NPAT: variants seen among roughly 807,000 people sequenced by gnomAD.
The protein encoded by NPAT is protein NPAT.
A neutral mutation model predicts 130.7 loss-of-function variants in NPAT; 52 were observed. The ratio of observed to expected loss-of-function variants is 0.40; its 90% CI spans 0.32 to 0.50. The LOEUF is 0.50. Ranked by LOEUF, NPAT falls within the 20% of genes least tolerant of loss-of-function variation. The probability of loss-of-function intolerance (pLI) is 0.68; values close to 1 mark genes in which losing one functional copy is unlikely to be tolerated. For synonymous variants in NPAT, 580 were observed against 584.8 expected (o/e 0.99, Z 0.12); for missense variants, 1,687 against 1,662.6 (o/e 1.01, Z -0.26).
At position 108,177,704 on chromosome 11, in the gene NPAT, A is replaced by G. The variant is rs539926158; in HGVS notation, c.907-614T>C. Among the ~76,000 whole-genome samples the G allele has an allele frequency of 1.3e-4, 18 of 138,092 alleles. No homozygotes were observed. The South Asian group carries it at 4.1e-3, about 32-fold the overall frequency. The allele number at this position is 138,092 out of a possible 152,430, so 90.6% of individuals were successfully genotyped here. A position where few individuals can be genotyped will look rare whatever the true frequency, so the allele number is the denominator to read the frequency against. ...TACGTATATAAATGGAAATAAAATC[A>G]TACTATAAAGTTCCCTTTTTTTTTG... On this transcript the variant is annotated intron_variant, in intron 10 of 17. Coordinates refer to ENST00000278612, the MANE Select transcript of NPAT (RefSeq NM_002519.3).
intron 1 of NPAT, among the ~76,000 whole-genome samples, chr11:108,214,068 C>T (rs959146786): frequency 6.6e-6 from 1 of 152,064 alleles, no homozygotes; most frequent in Non-Finnish European, 1.5e-5. Flanking sequence ...TAATTACTTA[C>T]TTATTGGTAC....
In NPAT at chr11:108,173,467, T is replaced by C. The variant is rs758240289; in HGVS notation, c.1517A>G (p.Asp506Gly). The part of the protein sequence containing the change: ...SESQLQPDQP[D>G]IPITSFVSLG... ...TGAAACAAATGAAGTTATTGGTATA[T>C]CAGGCTGATCAGGCTGTAACTGAGA... Residue 506 changes from aspartate (D) to glycine (G), a missense_variant, in exon 13 of 18, where the codon GAT (aspartate) becomes GGT (glycine). Physicochemically the swap from Asp to Gly is moderately conservative, Grantham distance 94 (BLOSUM62 -1). This residue lies in a region of NPAT where 1,379 missense variants were observed against 1,346.6 expected (regional missense o/e 1.02). Transcript: ENST00000278612. 2.6e-5 allele frequency: 42 copies of C among 1,614,066 alleles called. No homozygotes were observed. Among genetic ancestry groups the C allele is most frequent in the Non-Finnish European group, 3.1e-5 (37 of 1,180,026 alleles).
chr11:108,194,713 G>A (rs1422329543), intron 2 of NPAT, among the ~76,000 whole-genome samples: 1 of 152,078 alleles, frequency 6.6e-6, no homozygotes, highest in African/African-American at 2.4e-5. Context: ...TACAGTGGCT[G>A]CTCACAGCTT....
At chr11:108,166,692 C>T (rs1270249952) in intron 15 of NPAT, among the ~76,000 whole-genome samples, 2 of 152,158 alleles carry the variant, frequency 1.3e-5, no homozygotes, top group African/African-American at 4.8e-5. Context: ...ATTACTGTGG[C>T]TCTGCAATAT....
chr11:108,163,818 T>C (rs1309486115), intron 15 of NPAT, among the ~76,000 whole-genome samples: 3 of 151,742 alleles, frequency 2.0e-5, no homozygotes, highest in African/African-American at 7.3e-5. Flanking sequence ...CTGGTGACTC[T>C]AGTGTAGACA....
intron 5 of NPAT, among the ~76,000 whole-genome samples, chr11:108,189,764 G>A (rs1291631377): frequency 1.3e-5 from 2 of 151,110 alleles, no homozygotes; most frequent in African/African-American, 2.4e-5. Context: ...CAGCTACTCG[G>A]GAGGCTGAGG....
At chr11:108,166,217 C>T (rs973131742) in intron 15 of NPAT, among the ~76,000 whole-genome samples, 1 of 151,952 alleles carries the variant, frequency 6.6e-6, no homozygotes, top group Non-Finnish European at 1.5e-5. Context: ...GATAGTGAAA[C>T]CCTGTCTCTA....
intron 1 of NPAT, among the ~76,000 whole-genome samples, chr11:108,215,731 A>T (rs540590276): frequency 1.3e-5 from 2 of 152,322 alleles, no homozygotes; most frequent in East Asian, 3.9e-4. Context: ...GTGATTTGGG[A>T]ATCAACTCAC....
chr11:108,200,797 T>C (rs1446138583), intron 1 of NPAT, among the ~76,000 whole-genome samples: 1 of 152,154 alleles, frequency 6.6e-6, no homozygotes, highest in Non-Finnish European at 1.5e-5. Context: ...TTCCAATCCA[T>C]ATGGTGGTTC....
rs1393790076 is a variant in NPAT, at chr11:108,209,314, TAAA to T, written c.38-11897_38-11895del. 2.1e-5 allele frequency among the ~76,000 whole-genome samples: 3 copies of T among 145,714 alleles called. No homozygotes were observed. In the East Asian group the frequency reaches 6.3e-4, roughly 30 times the overall value. ...TAACTAAATAAAATAAATAAATAAA[TAAA>T]AAGATAAGCCAAGCATGGTGGCATA... On this transcript the variant is annotated intron_variant, in intron 1 of 17. Transcript: ENST00000278612.
chr11:108,205,441 T>A (rs778119932), intron 1 of NPAT, among the ~76,000 whole-genome samples: 2 of 151,874 alleles, frequency 1.3e-5, no homozygotes, highest in African/African-American at 2.4e-5. Context: ...AATGAAAAAA[T>A]TTTTAATAGA....
At chr11:108,205,220 GAA>G (rs1269507864) in intron 1 of NPAT, among the ~76,000 whole-genome samples, 2 of 152,146 alleles carry the variant, frequency 1.3e-5, no homozygotes, top group Non-Finnish European at 2.9e-5. Context: ...GATTGTTGAA[GAA>G]AAAAGATAAA....
At chr11:108,219,732 AAACAACAACAAC>A (rs145766814) in intron 1 of NPAT, among the ~76,000 whole-genome samples, 6 of 151,260 alleles carry the variant, frequency 4.0e-5, no homozygotes, top group Non-Finnish European at 7.4e-5. Flanking sequence ...CATTAAAAAC[AAACAACAACAAC>A]AACAACAACA....
intron 13 of NPAT, among the ~76,000 whole-genome samples, chr11:108,170,696 A>G (rs1294553716): frequency 6.6e-6 from 1 of 152,210 alleles, no homozygotes. Flanking sequence ...CATGCAACCT[A>G]CTACGGTCTC....
Position 108,172,390 on chromosome 11 carries a change from T to C in NPAT, c.2594A>G (p.Asn865Ser). 1.2e-6 allele frequency: 2 copies of C among 1,614,246 alleles called. No homozygotes were observed. The change falls in exon 13 of 18, where the codon AAC becomes AGC. Residue 865 changes from asparagine to serine, a missense_variant. Transcript: ENST00000278612. ...AGTCACACAGGTAGCTATCAGAATG[T>C]TATTTGAATTGCCAAAAGCTGTGCT... is the stretch of plus-strand genomic sequence containing the variant. ...ATSTAFGNSN[N>S]ILIATCVTDP...
At chr11:108,170,848 C>T (rs559778847) in intron 13 of NPAT, among the ~76,000 whole-genome samples, 6 of 152,262 alleles carry the variant, frequency 3.9e-5, no homozygotes, top group Admixed American at 6.5e-5. Context: ...CTGACCTCTC[C>T]TTTATGTAAT....
intron 7 of NPAT, 32 bp downstream of exon 7, chr11:108,188,066 C>G (rs752353364): frequency 7.1e-7 from 1 of 1,399,498 alleles, no homozygotes; most frequent in East Asian, 2.3e-5. Context: ...TTAATGGATA[C>G]GGGTAACTTG....
chr11:108,190,344 A>G (rs1212822834), intron 5 of NPAT, 116 bp downstream of exon 5: 1 of 762,558 alleles, frequency 1.3e-6, no homozygotes, highest in East Asian at 2.8e-5. Context: ...AAAAGAAAGA[A>G]AAACAGTAGT....
chr11:108,214,522 T>A (rs559733748), intron 1 of NPAT, among the ~76,000 whole-genome samples: 1 of 152,252 alleles, frequency 6.6e-6, no homozygotes, highest in South Asian at 2.1e-4. Context: ...ACTGGTGATA[T>A]CTGCACATTA....
Sources: allele counts gnomAD v4.1 joint callset (sites outside exome capture counted in the v4.1 genomes callset), GRCh38; gene constraint gnomAD v4.1.1; regional missense constraint gnomAD v4.1.1; transcripts MANE v1.5; gene names NCBI Gene and HGNC (gene_info 2026-07-23, HGNC 2026-07-21).